The following PIK3CG variants were observed in gnomAD, a reference collection of about 807,000 sequenced individuals.
PIK3CG encodes phosphatidylinositol-4,5-bisphosphate 3-kinase catalytic subunit gamma.
A neutral mutation model predicts 102.3 loss-of-function variants in PIK3CG; 55 were observed. The ratio of observed to expected loss-of-function variants is 0.54; its 90% CI spans 0.43 to 0.67. The LOEUF is 0.67. PIK3CG is among the 30% of genes least tolerant of loss of function. The probability of loss-of-function intolerance (pLI) is 0.00; values close to 1 mark genes in which losing one functional copy is unlikely to be tolerated. For missense variants in PIK3CG, 1,258 were observed against 1,391.8 expected, an observed-to-expected ratio of 0.90 and a Z score of 1.53; for synonymous variants, 552 against 540.0, an observed-to-expected ratio of 1.02 and a Z score of -0.31.
At chr7:106,885,091 G>A (rs1340027361) in intron 9 of PIK3CG, among the ~76,000 whole-genome samples, 5 of 152,146 alleles carry the variant, frequency 3.3e-5, no homozygotes, top group South Asian at 2.1e-4. Context: ...CTTGCCCATC[G>A]CTCACCTCCT....
In PIK3CG at chr7:106,908,060, T is replaced by G. The variant is rs368006329; in HGVS notation, c.*2673T>G. On this transcript the variant is annotated 3_prime_UTR_variant, in exon 11 of 11. Coordinates refer to ENST00000496166, the MANE Select transcript of PIK3CG (RefSeq NM_001282426.2). The surrounding 1 kb of genome is among the most constrained non-coding windows in gnomAD (Gnocchi z 4.1). ...GAACTACCCACAGCTCTATCTTCAA[T>G]GCCAGGTGAAAACACAGATCACAAG... 4.6e-5 allele frequency among the ~76,000 whole-genome samples: 7 copies of G among 152,252 alleles called. No homozygotes were observed. In the South Asian group the frequency reaches 8.3e-4, roughly 18 times the overall value.
rs1307585728 is a variant in PIK3CG, at chr7:106,874,432, T to C, written c.2288-268T>C. On this transcript the variant is annotated intron_variant, in intron 4 of 10. Transcript: ENST00000496166. This position sits in a 1 kb window ranked among gnomAD's most constrained non-coding sequence, Gnocchi z 4.3. ...TACTTCTCTACTTGGATTGTGTTGG[T>C]GTCTATGTGTTATCCCACATATATT... is the stretch of plus-strand genomic sequence containing the variant. 1.3e-5 allele frequency among the ~76,000 whole-genome samples: 2 copies of C among 152,226 alleles called. No individual in the cohort carries two copies. Among genetic ancestry groups the C allele is most frequent in the Non-Finnish European group, 2.9e-5 (2 of 68,032 alleles).
intron 5 of PIK3CG, among the ~76,000 whole-genome samples, chr7:106,876,864 C>A (rs2116510324): frequency 6.6e-6 from 1 of 152,178 alleles, no homozygotes; most frequent in Admixed American, 6.5e-5. Flanking sequence ...AAATTTGCAA[C>A]TTTTTCTTAA....
At position 106,908,769 on chromosome 7, in the gene PIK3CG, A is replaced by G. The variant is rs1562806684; in HGVS notation, c.*3382A>G. The stretch of plus-strand genomic sequence containing the variant: ...TTAATTATTTTTTAAGTAAGTCCAA[A>G]AAATAATCTAGAAAGTAAGTTTCCA... On this transcript the variant is annotated 3_prime_UTR_variant, in exon 11 of 11. Coordinates refer to ENST00000496166, the MANE Select transcript of PIK3CG (RefSeq NM_001282426.2). This position sits in a 1 kb window ranked among gnomAD's most constrained non-coding sequence, Gnocchi z 4.1. Among the ~76,000 whole-genome samples, 1 of 152,238 alleles carries G rather than the reference A, an allele frequency of 6.6e-6. No individual in the cohort carries two copies. Among genetic ancestry groups the G allele is most frequent in the Non-Finnish European group, 1.5e-5 (1 of 68,046 alleles).
intron 4 of PIK3CG, 64 bp downstream of exon 4, chr7:106,873,002 C>G: frequency 8.5e-7 from 1 of 1,180,626 alleles, no homozygotes; most frequent in African/African-American, 1.5e-5. Flanking sequence ...GCCATTGTTC[C>G]TATAATTCTT....
Position 106,867,584 on chromosome 7 carries a change from A to C in PIK3CG, c.23A>C (p.Gln8Pro). 1 of 1,589,194 alleles carries C rather than the reference A, an allele frequency of 6.3e-7. No homozygotes were observed. The highest frequency in any genetic ancestry group is 8.6e-7 in the Non-Finnish European group (1 of 1,168,720). Residue 8 changes from glutamine (Q) to proline (P), a missense_variant, in exon 2 of 11, where the codon CAG becomes CCG. Around this residue, in one of 2 missense-constraint regions of PIK3CG, gnomAD observed 832 missense variants for 787.5 expected, o/e 1.06. Transcript: ENST00000496166. This position sits in a 1 kb window ranked among gnomAD's most constrained non-coding sequence, Gnocchi z 5.1. MELENYK[Q>P]PVVLREDNCR... Reference sequence around the variant, plus strand: ...GGCATGGAGCTGGAGAACTATAAACAGCCCGTGGTGCTGAGAGAGGACAAC... The same window carrying C: ...GGCATGGAGCTGGAGAACTATAAACCGCCCGTGGTGCTGAGAGAGGACAAC...
At position 106,867,907 on chromosome 7, in the gene PIK3CG, G is replaced by A. The variant is rs890365557; in HGVS notation, c.346G>A (p.Val116Met). Residue 116 changes from valine to methionine, a missense_variant, in exon 2 of 11, where the codon GTG becomes ATG. Coordinates refer to ENST00000496166, the MANE Select transcript of PIK3CG (RefSeq NM_001282426.2). This position sits in a 1 kb window ranked among gnomAD's most constrained non-coding sequence, Gnocchi z 5.1. ...WYEIYDKYQV[V>M]QTLDCLRYWK... is the part of the protein sequence containing the mutation. ...CGAGATCTACGACAAGTACCAGGTG[G>A]TGCAGACTCTGGACTGCCTGCGCTA... is the stretch of plus-strand genomic sequence containing the variant. 1 of 1,613,276 alleles carries A rather than the reference G, an allele frequency of 6.2e-7. No homozygotes were observed. Among genetic ancestry groups the A allele is most frequent in the East Asian group, 2.2e-5 (1 of 44,868 alleles).
At chr7:106,888,182 G>A (rs1011276976) in intron 10 of PIK3CG, among the ~76,000 whole-genome samples, 4 of 151,836 alleles carry the variant, frequency 2.6e-5, no homozygotes, top group African/African-American at 4.8e-5. Flanking sequence ...CTTGTGATCC[G>A]CCTGCCTCGG....
At chr7:106,904,418 A>G (rs563390042) in intron 10 of PIK3CG, among the ~76,000 whole-genome samples, 184 of 152,240 alleles carry the variant, frequency 1.2e-3, no homozygotes, top group African/African-American at 4.3e-3. Flanking sequence ...GCATTTTTCT[A>G]TGCTTTGGAA....
At chr7:106,886,417 G>T (rs1019641278) in intron 10 of PIK3CG, 125 bp downstream of exon 10, 4 of 828,614 alleles carry the variant, frequency 4.8e-6, no homozygotes, top group Non-Finnish European at 7.4e-6. Flanking sequence ...ACCCTCTTCT[G>T]GCATGGCCAA....
At position 106,908,806 on chromosome 7, in the gene PIK3CG, A is replaced by G. The variant is rs949439715; in HGVS notation, c.*3419A>G. 1.3e-5 allele frequency among the ~76,000 whole-genome samples: 2 copies of G among 152,186 alleles called. No homozygotes were observed. Among genetic ancestry groups the G allele is most frequent in the Non-Finnish European group, 2.9e-5 (2 of 68,024 alleles). ...AAAGTAAGTTTCCAGAGCAAATCTG[A>G]CCTAGCATTTGGTATGCTAGGCTCT... On this transcript the variant is annotated 3_prime_UTR_variant, in exon 11 of 11. Transcript: ENST00000496166. This position sits in a 1 kb window ranked among gnomAD's most constrained non-coding sequence, Gnocchi z 4.1.
chr7:106,875,784 G>A (rs528389028), intron 5 of PIK3CG, among the ~76,000 whole-genome samples: 5 of 151,984 alleles, frequency 3.3e-5, no homozygotes, highest in Non-Finnish European at 7.4e-5. Flanking sequence ...GATGGTGTGT[G>A]TGTGTAATTT....
Position 106,869,535 on chromosome 7 carries a change from T to G in PIK3CG, c.1974T>G (p.His658Gln). The change falls in exon 2 of 11, where the codon CAT becomes CAG. Residue 658 changes from histidine to glutamine, a missense_variant. By Grantham distance (24) the His-to-Gln change is conservative (BLOSUM62 0). Coordinates refer to ENST00000496166, the MANE Select transcript of PIK3CG (RefSeq NM_001282426.2). The surrounding 1 kb of genome is among the most constrained non-coding windows in gnomAD (Gnocchi z 5.3). Reference protein sequence around the residue: ...LESLEDDDVLHYLLQLVQAVK... With the variant: ...LESLEDDDVLQYLLQLVQAVK... ...GCTTGGAGGACGATGATGTTCTGCA[T>G]TACCTTCTACAATTGGTCCAGGTAG... The G allele has an allele frequency of 6.2e-7, 1 of 1,610,800 alleles. No individual in the cohort carries two copies. The highest frequency in any genetic ancestry group is 8.5e-7 in the Non-Finnish European group (1 of 1,177,920).
intron 9 of PIK3CG, among the ~76,000 whole-genome samples, chr7:106,885,662 C>T (rs1791065347): frequency 6.6e-6 from 1 of 152,130 alleles, no homozygotes; most frequent in Non-Finnish European, 1.5e-5. Context: ...TTGCTTCTAT[C>T]ATGCTGCCCA....
rs1790455538 is a variant in PIK3CG, at chr7:106,869,435, G to A, written c.1874G>A (p.Gly625Glu). Residue 625 changes from glycine (G) to glutamate (E), a missense_variant, in exon 2 of 11, where the codon GGG becomes GAG. This residue lies in a region of PIK3CG where 426 missense variants were observed against 604.2 expected (regional missense o/e 0.71). Transcript: ENST00000496166. The surrounding 1 kb of genome is among the most constrained non-coding windows in gnomAD (Gnocchi z 5.3). ...EVWDQSALDVGLTMQLLDCNF... is the reference protein window; with the variant it reads ...EVWDQSALDVELTMQLLDCNF... ...TGGGATCAAAGTGCTTTGGATGTTG[G>A]GTTAACAATGCAGCTCCTGGACTGC... 1 of 1,614,078 alleles carries A rather than the reference G, an allele frequency of 6.2e-7. No individual in the cohort carries two copies. The highest frequency in any genetic ancestry group is 1.3e-5 in the African/African-American group (1 of 74,926).
At chr7:106,876,173 C>T (rs534011682) in intron 5 of PIK3CG, among the ~76,000 whole-genome samples, 29 of 151,882 alleles carry the variant, frequency 1.9e-4, no homozygotes, top group African/African-American at 7.0e-4. Flanking sequence ...CTCGGCCTCC[C>T]AAAGTGCTGG....
intron 10 of PIK3CG, among the ~76,000 whole-genome samples, chr7:106,901,721 C>T (rs1791560485): frequency 6.6e-6 from 1 of 152,196 alleles, no homozygotes. Flanking sequence ...AGATTGAGAA[C>T]AGTCAACAGA....
chr7:106,879,254 C>G lies in PIK3CG; in HGVS notation c.2392-265C>G, dbSNP rs1790861103. Among the ~76,000 whole-genome samples the G allele has an allele frequency of 6.6e-6, 1 of 152,104 alleles. No individual in the cohort carries two copies. Among genetic ancestry groups the G allele is most frequent in the Non-Finnish European group, 1.5e-5 (1 of 68,014 alleles). On this transcript the variant is annotated intron_variant, in intron 5 of 10. Transcript: ENST00000496166. The surrounding 1 kb of genome is among the most constrained non-coding windows in gnomAD (Gnocchi z 4.9). ...GTGGGGAGGGTGAGATCTGCCATACCTCTTAGGCACTTCCAAAGACTCTTG... is the reference window on the plus strand; with the variant it reads ...GTGGGGAGGGTGAGATCTGCCATACGTCTTAGGCACTTCCAAAGACTCTTG...
chr7:106,878,919 G>C (rs1053982803), intron 5 of PIK3CG, among the ~76,000 whole-genome samples: 1 of 152,170 alleles, frequency 6.6e-6, no homozygotes, highest in Non-Finnish European at 1.5e-5. Context: ...ACCTTTGCCT[G>C]AAACACCTAC....
Sources: gnomAD v4.1 joint callset for allele counts (sites outside exome capture counted in the v4.1 genomes callset) on GRCh38, gnomAD v4.1.1 for gene constraint, gnomAD v4.1.1 regional missense constraint, Gnocchi (gnomAD v3.1) non-coding constraint, MANE v1.5 for transcripts, NCBI Gene and HGNC (gene_info 2026-07-23, HGNC 2026-07-21) for gene names.